RBFOX1: variants seen among roughly 807,000 people sequenced by gnomAD.
RBFOX1 encodes RNA binding protein fox-1 homolog 1.
RBFOX1 carries 8 observed loss-of-function variants against 57.7 expected under a neutral mutation model. The ratio of observed to expected loss-of-function variants is 0.14; its 90% CI spans 0.08 to 0.25. The LOEUF is 0.25. RBFOX1 is among the 10% of genes least tolerant of loss of function. RBFOX1 has a pLI of 1.00. For synonymous variants in RBFOX1, 326 were observed against 222.4 expected, an observed-to-expected ratio of 1.47 and a Z score of -4.15; for missense variants, 611 against 548.5, an observed-to-expected ratio of 1.11 and a Z score of -1.14.
chr16:5,999,601 C>A (rs549642830), intron 4 of RBFOX1, among the ~76,000 whole-genome samples: 1 of 152,168 alleles, frequency 6.6e-6, no homozygotes, highest in South Asian at 2.1e-4. Flanking sequence ...GTGGCTCACG[C>A]CTGTAATCCC....
chr16:6,701,869 G>A (rs949323928), intron 3 of RBFOX1, among the ~76,000 whole-genome samples: 1 of 152,086 alleles, frequency 6.6e-6, no homozygotes, highest in Non-Finnish European at 1.5e-5. Context: ...CAAATACTGT[G>A]TTCTCACTTA....
chr16:7,532,672 A>G (rs2080413857), intron 5 of RBFOX1, among the ~76,000 whole-genome samples: 1 of 152,180 alleles, frequency 6.6e-6, no homozygotes, highest in Non-Finnish European at 1.5e-5. Context: ...GGAGTTGGCA[A>G]ACTGTAGCTC....
intron 1 of RBFOX1, among the ~76,000 whole-genome samples, chr16:6,159,700 T>C (rs1463064348): frequency 6.6e-6 from 1 of 152,214 alleles, no homozygotes; most frequent in Non-Finnish European, 1.5e-5. Flanking sequence ...GTGAATGTGC[T>C]CTTAACCTCA....
At chr16:7,191,157 G>T (rs1437890376) in intron 4 of RBFOX1, among the ~76,000 whole-genome samples, 1 of 151,952 alleles carries the variant, frequency 6.6e-6, no homozygotes, top group Non-Finnish European at 1.5e-5. Context: ...TATAGTTAGT[G>T]CTCTCTTCCA....
chr16:6,958,310 A>T (rs1372249597), intron 3 of RBFOX1, among the ~76,000 whole-genome samples: 2 of 152,222 alleles, frequency 1.3e-5, no homozygotes, highest in African/African-American at 2.4e-5. Flanking sequence ...ACTCTATTCA[A>T]AATACACATT....
chr16:6,966,799 C>T (rs1034564097), intron 3 of RBFOX1, among the ~76,000 whole-genome samples: 5 of 149,712 alleles, frequency 3.3e-5, no homozygotes, highest in East Asian at 3.9e-4. Flanking sequence ...ATCTGTCTGT[C>T]TGTCTGTCTG....
At chr16:6,441,647 A>T (rs1217829821) in intron 2 of RBFOX1, among the ~76,000 whole-genome samples, 1 of 152,006 alleles carries the variant, frequency 6.6e-6, no homozygotes, top group Non-Finnish European at 1.5e-5. Context: ...TGAACTCCTC[A>T]CCTCAGGTGA....
intron 14 of RBFOX1, among the ~76,000 whole-genome samples, chr16:7,688,710 G>GCAACC (rs1216544638): frequency 6.6e-5 from 10 of 152,068 alleles, no homozygotes; most frequent in African/African-American, 2.4e-4. Context: ...ATAGATGGTT[G>GCAACC]ATCTATAAAA....
intron 4 of RBFOX1, among the ~76,000 whole-genome samples, chr16:7,300,087 A>C (rs1463936369): frequency 6.6e-6 from 1 of 152,134 alleles, no homozygotes; most frequent in Non-Finnish European, 1.5e-5. Flanking sequence ...GGTAGATTTC[A>C]CTGCCGTCTC....
chr16:6,651,149 G>T (rs933622943), intron 2 of RBFOX1, among the ~76,000 whole-genome samples: 23 of 152,212 alleles, frequency 1.5e-4, no homozygotes, highest in African/African-American at 5.1e-4. Context: ...TGATCCACCC[G>T]CCTCAGTCTC....
chr16:6,862,180 G>C (rs34982008), intron 3 of RBFOX1, among the ~76,000 whole-genome samples: 36,544 of 152,078 alleles, frequency 0.24, 4,916 homozygotes, highest in Admixed American at 0.37. Context: ...TGCTGTGTGT[G>C]TCATGTTTAG....
chr16:6,070,022 G>A (rs1484941242), intron 1 of RBFOX1, among the ~76,000 whole-genome samples: 1 of 152,132 alleles, frequency 6.6e-6, no homozygotes, highest in Admixed American at 6.6e-5. Flanking sequence ...CAAACAAAAA[G>A]TAACTAAGTA....
At chr16:5,734,744 C>T (rs914363146) in intron 3 of RBFOX1, among the ~76,000 whole-genome samples, 1 of 152,184 alleles carries the variant, frequency 6.6e-6, no homozygotes, top group Non-Finnish European at 1.5e-5. Flanking sequence ...ATACACTGAG[C>T]TCATTCCCTG....
intron 4 of RBFOX1, among the ~76,000 whole-genome samples, chr16:7,440,850 C>T (rs973687201): frequency 1.3e-5 from 2 of 152,082 alleles, no homozygotes; most frequent in Admixed American, 1.3e-4. Flanking sequence ...CAGGGTCCAG[C>T]GTGGCCTAAT....
intron 4 of RBFOX1, among the ~76,000 whole-genome samples, chr16:7,481,076 T>C (rs1321732374): frequency 3.9e-5 from 6 of 152,218 alleles, no homozygotes; most frequent in Non-Finnish European, 5.9e-5. Context: ...CTCTTCCTAT[T>C]GCTCCTTACA....
At chr16:5,290,946 C>A (rs748772872) in intron 1 of RBFOX1, among the ~76,000 whole-genome samples, 2 of 152,244 alleles carry the variant, frequency 1.3e-5, no homozygotes, top group Admixed American at 6.5e-5. Context: ...GTGATGCACC[C>A]GCCTCAGCTT....
chr16:6,940,269 C>T (rs979525476), intron 3 of RBFOX1, among the ~76,000 whole-genome samples: 12 of 152,130 alleles, frequency 7.9e-5, no homozygotes, highest in African/African-American at 2.9e-4. Flanking sequence ...GGCATGAGTC[C>T]TTGTTGCTGC....
intron 1 of RBFOX1, among the ~76,000 whole-genome samples, chr16:6,264,872 G>C (rs150510686): frequency 6.6e-6 from 1 of 152,092 alleles, no homozygotes; most frequent in African/African-American, 2.4e-5. Flanking sequence ...TGAGTCCATG[G>C]CATATGACCT....
intron 1 of RBFOX1, among the ~76,000 whole-genome samples, chr16:5,413,230 A>T (rs2067071150): frequency 4.6e-5 from 7 of 152,150 alleles, no homozygotes. Context: ...TTTTCTACCA[A>T]CAGCCCCAAC....
Sources: gnomAD v4.1 joint callset for allele counts (sites outside exome capture counted in the v4.1 genomes callset) on GRCh38, gnomAD v4.1.1 for gene constraint, MANE v1.5 for transcripts, NCBI Gene and HGNC (gene_info 2026-07-23, HGNC 2026-07-21) for gene names.